Variants in BASP1 observed in about 807,000 individuals in gnomAD.
BASP1 encodes the protein brain abundant membrane attached signal protein 1, also known as brain acid soluble protein 1.
In BASP1, 1 loss-of-function variant was observed where a neutral mutation model predicts 2.2. That is an observed-to-expected ratio of 0.46 (90% CI 0.16 to 2.17). The LOEUF (loss-of-function observed/expected upper bound fraction) is 2.17. Ranked by LOEUF, BASP1 falls within the 30% of genes most tolerant of loss-of-function variation. The pLI, the probability that BASP1 is intolerant of heterozygous loss-of-function variation, is 0.27. For missense variants in BASP1, 352 were observed against 327.2 expected, an observed-to-expected ratio of 1.08 and a Z score of -0.58; for synonymous variants, 187 against 154.2, an observed-to-expected ratio of 1.21 and a Z score of -1.58.
At chr5:17,216,996 C>G (rs563784077), upstream of BASP1, 2 of 151,424 alleles carry the variant, frequency 1.3e-5, no homozygotes, top group African/African-American at 2.4e-5. The surrounding 1 kb of genome is among the most constrained non-coding windows in gnomAD (Gnocchi z 6.4). Flanking sequence ...AGGCAGCTCC[C>G]TAAGTCTGAG....
At chr5:17,269,572 A>G (rs945587385) in intron 1 of BASP1, among the ~76,000 whole-genome samples, 1 of 152,168 alleles carries the variant, frequency 6.6e-6, no homozygotes, top group Admixed American at 6.5e-5. Flanking sequence ...ACTTTATCAC[A>G]TTTCTTCCAG....
In BASP1 at chr5:17,275,967, C is replaced by CTA. The variant is rs1554029434; in HGVS notation, c.*68_*69insAT. The CTA allele has an allele frequency of 4.0e-5, 47 of 1,184,766 alleles. No homozygotes were observed. The highest frequency in any genetic ancestry group is 1.2e-4 in the Admixed American group (4 of 32,650). The allele number at this position is 1,184,766 out of a possible 1,614,324, so 73.4% of individuals were successfully genotyped here. ...CTCCTCTCTCTCTCTCTCTCTCTCT[C>CTA]TCTATCTCTCTCTCTATCTCCTCTC... On this transcript the variant is annotated 3_prime_UTR_variant, in exon 2 of 2. Transcript: ENST00000322611. The surrounding 1 kb of genome is among the most constrained non-coding windows in gnomAD (Gnocchi z 5.3).
chr5:17,263,437 G>C (rs1429150632), intron 1 of BASP1, among the ~76,000 whole-genome samples: 1 of 152,088 alleles, frequency 6.6e-6, no homozygotes, highest in Non-Finnish European at 1.5e-5. Context: ...ACCCCAGCTG[G>C]TATTACAATT....
chr5:17,218,021 T>G, intron 1 of BASP1, among the ~76,000 whole-genome samples: 1 of 145,078 alleles, frequency 6.9e-6, no homozygotes, highest in Non-Finnish European at 1.5e-5. Context: ...GGCCCAGAAG[T>G]GGGAGGCTTC....
At chr5:17,257,898 G>A (rs959385100) in intron 1 of BASP1, among the ~76,000 whole-genome samples, 18 of 152,302 alleles carry the variant, frequency 1.2e-4, no homozygotes, top group African/African-American at 2.4e-4. Context: ...AAACAGCACC[G>A]TTCCTGTGTT....
intron 1 of BASP1, among the ~76,000 whole-genome samples, chr5:17,219,040 G>A (rs1348391649): frequency 6.6e-6 from 1 of 152,136 alleles, no homozygotes; most frequent in Non-Finnish European, 1.5e-5. Flanking sequence ...GCACTGTGGG[G>A]CGGGCTAAAA....
chr5:17,242,847 T>A (rs1365156972), intron 1 of BASP1, among the ~76,000 whole-genome samples: 1 of 151,450 alleles, frequency 6.6e-6, no homozygotes, highest in Non-Finnish European at 1.5e-5. Flanking sequence ...TCAACTCAGT[T>A]TAAAAAAAAA....
rs1740656905 is a variant in BASP1, at chr5:17,276,131, A to G, written c.*231A>G. The G allele has an allele frequency of 5.2e-6, 2 of 384,330 alleles. No homozygotes were observed. Among genetic ancestry groups the G allele is most frequent in the Non-Finnish European group, 9.5e-6 (2 of 209,930 alleles). 23.8% of individuals were successfully genotyped at this position (384,330 alleles called of 1,614,324 possible). The stretch of plus-strand genomic sequence containing the variant: ...AGGGAGGGGGTGGGAGAATCCAAAT[A>G]GTATTTTTGTGGGGAAATATCTAAT... On this transcript the variant is annotated 3_prime_UTR_variant, in exon 2 of 2. Coordinates refer to ENST00000322611, the MANE Select transcript of BASP1 (RefSeq NM_006317.5).
intron 1 of BASP1, among the ~76,000 whole-genome samples, chr5:17,273,468 T>C (rs1380263620): frequency 6.6e-6 from 1 of 152,180 alleles, no homozygotes; most frequent in East Asian, 1.9e-4. Context: ...ATGAATAGTA[T>C]TTTAGTCAAA....
At chr5:17,268,515 A>G (rs1053269337) in intron 1 of BASP1, among the ~76,000 whole-genome samples, 1 of 152,190 alleles carries the variant, frequency 6.6e-6, no homozygotes, top group African/African-American at 2.4e-5. Flanking sequence ...GGATCCTATT[A>G]TAGTTTGTAA....
At chr5:17,252,498 C>T (rs999189885) in intron 1 of BASP1, among the ~76,000 whole-genome samples, 3 of 152,004 alleles carry the variant, frequency 2.0e-5, no homozygotes, top group Non-Finnish European at 4.4e-5. Context: ...TGCTTGACAC[C>T]CAAGCACGTT....
chr5:17,232,465 G>T (rs917342396), intron 1 of BASP1, among the ~76,000 whole-genome samples: 2 of 152,148 alleles, frequency 1.3e-5, no homozygotes, highest in African/African-American at 2.4e-5. Flanking sequence ...CTAATTCTGC[G>T]CTGTGACTAC....
rs1740657379 is a variant in BASP1, at chr5:17,276,158, T to C, written c.*258T>C. 1 of 336,082 alleles carries C rather than the reference T, an allele frequency of 3.0e-6. No homozygotes were observed. The highest frequency in any genetic ancestry group is 5.6e-6 in the Non-Finnish European group (1 of 178,210). The allele number at this position is 336,082 out of a possible 1,614,324, so 20.8% of individuals were successfully genotyped here. ...TATTTTTGTGGGGAAATATCTAATA[T>C]ACCTTCAGTCAACTTTACCAAGAAG... On this transcript the variant is annotated 3_prime_UTR_variant, in exon 2 of 2. Coordinates refer to ENST00000322611, the MANE Select transcript of BASP1 (RefSeq NM_006317.5).
chr5:17,217,723 C>G lies in BASP1; in HGVS notation c.-97C>G, dbSNP rs1325864562. 1 of 153,532 alleles carries G rather than the reference C, an allele frequency of 6.5e-6. No homozygotes were observed. 9.5% of individuals were successfully genotyped at this position (153,532 alleles called of 1,614,324 possible). A position where few individuals can be genotyped will look rare whatever the true frequency, so the allele number is the denominator to read the frequency against. On this transcript the variant is annotated 5_prime_UTR_variant, in exon 1 of 2. Transcript: ENST00000322611. ...CGAGCCGGGAGAGAGCCTCCGCCAG[C>G]GGCCAGGCACCAGCCAGACGACGCC...
rs1739740308 is a variant in BASP1 at position 17,236,159 on chromosome 5, AC to A, written c.-10+18350del. 6.6e-6 allele frequency among the ~76,000 whole-genome samples: 1 copy of A among 152,150 alleles called. No individual in the cohort carries two copies. Among genetic ancestry groups the A allele is most frequent in the East Asian group, 1.9e-4 (1 of 5,196 alleles). ...CCCACCCTTGCGTTTAGTCTTTAAG[AC>A]TATTCTACCTTGGGGGAGAAAAGCA... On this transcript the variant is annotated intron_variant, in intron 1 of 1. Transcript: ENST00000322611. This position sits in a 1 kb window ranked among gnomAD's most constrained non-coding sequence, Gnocchi z 4.0.
chr5:17,220,355 G>A (rs1739372408), intron 1 of BASP1, among the ~76,000 whole-genome samples: 1 of 151,762 alleles, frequency 6.6e-6, no homozygotes, highest in Non-Finnish European at 1.5e-5. Context: ...TTTCCTTTAG[G>A]TTGTGTTTTT....
intron 1 of BASP1, among the ~76,000 whole-genome samples, chr5:17,253,695 C>A (rs1332847716): frequency 7.9e-5 from 12 of 152,298 alleles, no homozygotes; most frequent in Non-Finnish European, 1.8e-4. Context: ...TTGTCTTAAT[C>A]ATGAAGACCC....
Position 17,275,074 on chromosome 5 carries a change from A to C in BASP1, c.-9-134A>C, listed in dbSNP as rs1740602137. ...ATTGAATTTAACTGTGCCTAACTAT[A>C]GTTTACCATGCCACCCCTTTGGGGT... On this transcript the variant is annotated intron_variant, in intron 1 of 1. Coordinates refer to ENST00000322611, the MANE Select transcript of BASP1 (RefSeq NM_006317.5). This position sits in a 1 kb window ranked among gnomAD's most constrained non-coding sequence, Gnocchi z 5.3. The C allele has an allele frequency of 2.8e-6, 2 of 710,514 alleles. No homozygotes were observed. The highest frequency in any genetic ancestry group is 1.8e-5 in the African/African-American group (1 of 55,054). 44.0% of individuals were successfully genotyped at this position (710,514 alleles called of 1,614,324 possible).
Position 17,251,493 on chromosome 5 carries a change from T to C in BASP1, c.-9-23715T>C, listed in dbSNP as rs983578987. On this transcript the variant is annotated intron_variant, in intron 1 of 1. Transcript: ENST00000322611. The surrounding 1 kb of genome is among the most constrained non-coding windows in gnomAD (Gnocchi z 4.0). ...CATCTCTCAGCTCTTCCTTCCACAG[T>C]GTTGGTTTCTGTGGAAGGGTCCAAA... Among the ~76,000 whole-genome samples the C allele has an allele frequency of 6.6e-6, 1 of 152,228 alleles. No homozygotes were observed. The highest frequency in any genetic ancestry group is 2.4e-5 in the African/African-American group (1 of 41,452).
Sources: allele counts gnomAD v4.1 joint callset (sites outside exome capture counted in the v4.1 genomes callset), GRCh38; gene constraint gnomAD v4.1.1; non-coding constraint Gnocchi (gnomAD v3.1); transcripts MANE v1.5; gene names NCBI Gene and HGNC (gene_info 2026-07-23, HGNC 2026-07-21).